CNTN3: variants seen among roughly 807,000 people sequenced by gnomAD.
CNTN3 encodes the protein contactin 3, also known as contactin-3.
A neutral mutation model predicts 119.1 loss-of-function variants in CNTN3; 60 were observed. The observed-to-expected ratio is 0.50, with a 90% CI of 0.41 to 0.62. The LOEUF (loss-of-function observed/expected upper bound fraction) is 0.62. Among genes scored for constraint, CNTN3 ranks in the 20% least tolerant of loss-of-function variants. CNTN3 has a pLI of 0.00. For missense variants in CNTN3, 1,101 were observed against 1,242.4 expected (o/e 0.89, Z 1.71); for synonymous variants, 450 against 438.7 (o/e 1.03, Z -0.32).
intron 1 of CNTN3, among the ~76,000 whole-genome samples, chr3:74,559,874 A>G (rs17012610): frequency 0.019 from 2,947 of 152,278 alleles, 45 homozygotes; most frequent in Admixed American, 0.055. Flanking sequence ...TCAACTCTCT[A>G]ATGTGTGATG....
chr3:74,407,657 G>A (rs1396253946), intron 5 of CNTN3, among the ~76,000 whole-genome samples: 1 of 151,980 alleles, frequency 6.6e-6, no homozygotes, highest in Admixed American at 6.6e-5. Context: ...GGAAAACACT[G>A]GGGAGTGGAC....
chr3:74,533,893 T>C (rs1350045345), intron 1 of CNTN3, among the ~76,000 whole-genome samples: 1 of 152,050 alleles, frequency 6.6e-6, no homozygotes, highest in Non-Finnish European at 1.5e-5. Context: ...ACAGATGAGC[T>C]ACTGGCACCT....
chr3:74,590,736 C>T (rs890016819), intron 1 of CNTN3, among the ~76,000 whole-genome samples: 1 of 152,010 alleles, frequency 6.6e-6, no homozygotes, highest in Non-Finnish European at 1.5e-5. Context: ...TATCTTAACA[C>T]ATAAAGATGC....
intron 2 of CNTN3, among the ~76,000 whole-genome samples, chr3:74,518,224 A>G (rs1049920243): frequency 6.6e-6 from 1 of 152,002 alleles, no homozygotes; most frequent in Admixed American, 6.6e-5. Context: ...GATCAAGGTT[A>G]TAAGAACAAA....
At chr3:74,527,540 A>G (rs2107131038) in intron 1 of CNTN3, among the ~76,000 whole-genome samples, 1 of 152,056 alleles carries the variant, frequency 6.6e-6, no homozygotes, top group South Asian at 2.1e-4. Context: ...GCTATGCCAG[A>G]AAAAAATTAC....
chr3:74,427,277 G>T (rs1205040613), intron 4 of CNTN3, among the ~76,000 whole-genome samples: 1 of 152,296 alleles, frequency 6.6e-6, no homozygotes, highest in Non-Finnish European at 1.5e-5. Context: ...ACAGAGGACT[G>T]CATAGTTAAT....
Position 74,295,177 on chromosome 3 carries a change from C to T in CNTN3, c.2461G>A (p.Val821Ile), listed in dbSNP as rs1702313667. 6.2e-7 allele frequency: 1 copy of T among 1,613,542 alleles called. No homozygotes were observed. The highest frequency in any genetic ancestry group is 1.3e-5 in the African/African-American group (1 of 75,018). Residue 821 changes from valine to isoleucine, a missense_variant, in exon 19 of 23, where the codon GTT (valine) becomes ATT (isoleucine). Coordinates refer to ENST00000263665, the MANE Select transcript of CNTN3 (RefSeq NM_020872.3). ...ANSLSSSEIE[V>I]SWNTIPWKLS... ...TTCCAAGGAATGGTGTTCCATGAAA[C>T]CTCAATTTCTGAGGAAGATAGGCTA...
At position 74,488,243 on chromosome 3, in the gene CNTN3, G is replaced by A. The variant is rs530209368; in HGVS notation, c.183-1612C>T. ...TTCTCCTGCCTCAGCCTCCAGAGTA[G>A]CTGGGACTACAGGCGCCCGACACCA... is the stretch of plus-strand genomic sequence containing the variant. On this transcript the variant is annotated intron_variant, in intron 3 of 22. Transcript: ENST00000263665. Among the ~76,000 whole-genome samples the A allele has an allele frequency of 5.3e-5, 8 of 151,976 alleles. No homozygotes were observed. The South Asian group carries it at 1.7e-3, about 32-fold the overall frequency.
At chr3:74,367,647 G>C (rs1324771175) in intron 8 of CNTN3, among the ~76,000 whole-genome samples, 1 of 150,202 alleles carries the variant, frequency 6.7e-6, no homozygotes, top group African/African-American at 2.4e-5. Flanking sequence ...ATGCAGAAAA[G>C]GAAAAAAAAA....
rs185382957 is a variant in CNTN3, at chr3:74,280,596, G to T, written c.2704+4709C>A. ...GTGCTGGTGGCAATCTTTCTGCCAC[G>T]AAGAGAGAACTTGGTTAGAGTGATG... On this transcript the variant is annotated intron_variant, in intron 20 of 22. Transcript: ENST00000263665. Among the ~76,000 whole-genome samples, 39 of 152,330 alleles carry T rather than the reference G, an allele frequency of 2.6e-4. No individual in the cohort carries two copies. In the East Asian group the frequency reaches 7.5e-3, roughly 29 times the overall value.
At chr3:74,575,056 TG>T (rs1704392607) in intron 1 of CNTN3, among the ~76,000 whole-genome samples, 1 of 151,962 alleles carries the variant, frequency 6.6e-6, no homozygotes, top group African/African-American at 2.4e-5. Context: ...CCAAAGTAGC[TG>T]GGACAACAAG....
Position 74,595,234 on chromosome 3 carries a change from T to G in CNTN3, c.-81+19157A>C, listed in dbSNP as rs1704784802. On this transcript the variant is annotated intron_variant, in intron 1 of 22. Coordinates refer to ENST00000263665, the MANE Select transcript of CNTN3 (RefSeq NM_020872.3). Reference sequence around the variant, plus strand: ...GTAGGTTGCAAAAATTTTCTCCCATTTTGTAGGTTGCCTGTTCACTCTGAT... The same window carrying G: ...GTAGGTTGCAAAAATTTTCTCCCATGTTGTAGGTTGCCTGTTCACTCTGAT... Among the ~76,000 whole-genome samples, 5 of 151,770 alleles carry G rather than the reference T, an allele frequency of 3.3e-5. No homozygotes were observed. The South Asian group carries it at 6.3e-4, about 19-fold the overall frequency.
intron 4 of CNTN3, among the ~76,000 whole-genome samples, chr3:74,459,435 C>T (rs989645585): frequency 1.3e-5 from 2 of 152,024 alleles, no homozygotes; most frequent in African/African-American, 2.4e-5. Flanking sequence ...AGCTCACGCT[C>T]CTACTGACCT....
chr3:74,563,439 T>A (rs1029705522), intron 1 of CNTN3, among the ~76,000 whole-genome samples: 1 of 152,156 alleles, frequency 6.6e-6, no homozygotes, highest in African/African-American at 2.4e-5. Flanking sequence ...ATTCCATTAT[T>A]ATTATTAATA....
intron 1 of CNTN3, among the ~76,000 whole-genome samples, chr3:74,554,085 G>A (rs555369561): frequency 1.4e-3 from 212 of 152,134 alleles, no homozygotes; most frequent in African/African-American, 4.8e-3. Context: ...ATCTTGAGTT[G>A]ATTTTTGTAT....
At chr3:74,593,697 G>A (rs574353952) in intron 1 of CNTN3, among the ~76,000 whole-genome samples, 17 of 151,978 alleles carry the variant, frequency 1.1e-4, no homozygotes, top group South Asian at 2.1e-4. Flanking sequence ...CCAAGGCTAC[G>A]TAGTTAGGAG....
At chr3:74,366,958 TAA>T (rs745780157) in intron 8 of CNTN3, among the ~76,000 whole-genome samples, 11 of 128,294 alleles carry the variant, frequency 8.6e-5, no homozygotes, top group Non-Finnish European at 1.0e-4. Context: ...CCCGAGTTTC[TAA>T]AAAAAAAAAA....
At chr3:74,594,382 C>T (rs1226653415) in intron 1 of CNTN3, among the ~76,000 whole-genome samples, 2 of 149,140 alleles carry the variant, frequency 1.3e-5, no homozygotes, top group East Asian at 2.0e-4. Context: ...CATGCTGGTG[C>T]ACTGCACCCA....
At chr3:74,274,031 G>C (rs1701833139) in intron 20 of CNTN3, among the ~76,000 whole-genome samples, 2 of 152,040 alleles carry the variant, frequency 1.3e-5, no homozygotes, top group South Asian at 4.1e-4. Context: ...GCCTGTGACT[G>C]CTGGCTTTCC....
Sources: gnomAD v4.1 joint callset for allele counts (sites outside exome capture counted in the v4.1 genomes callset) on GRCh38, gnomAD v4.1.1 for gene constraint, MANE v1.5 for transcripts, NCBI Gene and HGNC (gene_info 2026-07-23, HGNC 2026-07-21) for gene names.